NRXN1: variants seen among roughly 807,000 people sequenced by gnomAD.
NRXN1 encodes neurexin 1.
NRXN1 carries 39 observed loss-of-function variants against 150.9 expected under a neutral mutation model. The observed-to-expected ratio is 0.26, with a 90% CI of 0.20 to 0.34. The LOEUF is 0.34. NRXN1 is among the 10% of genes least tolerant of loss of function. NRXN1 has a pLI of 1.00. For synonymous variants in NRXN1, 924 were observed against 757.0 expected (o/e 1.22, Z -3.62); for missense variants, 1,815 against 1,949.9 (o/e 0.93, Z 1.30).
At chr2:50,745,784 TACTC>T (rs1699951678) in intron 5 of NRXN1, among the ~76,000 whole-genome samples, 1 of 152,124 alleles carries the variant, frequency 6.6e-6, no homozygotes, top group African/African-American at 2.4e-5. Flanking sequence ...CATGAGAACT[TACTC>T]ACCATCATGA....
chr2:50,504,522 G>T (rs996226610), intron 13 of NRXN1, among the ~76,000 whole-genome samples: 1 of 151,982 alleles, frequency 6.6e-6, no homozygotes, highest in Non-Finnish European at 1.5e-5. Context: ...ATTATTTTTG[G>T]AACTTTTTAT....
intron 12 of NRXN1, among the ~76,000 whole-genome samples, chr2:50,525,445 TC>T (rs1424465733): frequency 6.6e-6 from 1 of 152,214 alleles, no homozygotes; most frequent in Admixed American, 6.5e-5. Context: ...AATCTGATTG[TC>T]CTTCTATTCC....
At chr2:50,826,791 G>C (rs1362110613) in intron 5 of NRXN1, among the ~76,000 whole-genome samples, 1 of 152,336 alleles carries the variant, frequency 6.6e-6, no homozygotes. Context: ...AGACATCCCA[G>C]TGGAAAGGTC....
At chr2:50,630,116 C>T (rs1559046298) in intron 5 of NRXN1, among the ~76,000 whole-genome samples, 1 of 151,616 alleles carries the variant, frequency 6.6e-6, no homozygotes, top group Non-Finnish European at 1.5e-5. Flanking sequence ...CCATATCCGA[C>T]ACACTATAAC....
At chr2:50,737,276 G>A (rs1175497575) in intron 5 of NRXN1, among the ~76,000 whole-genome samples, 1 of 152,082 alleles carries the variant, frequency 6.6e-6, no homozygotes, top group African/African-American at 2.4e-5. Flanking sequence ...GTGTAGAAAG[G>A]CACATAATGG....
At chr2:50,799,528 C>A (rs984346014) in intron 5 of NRXN1, among the ~76,000 whole-genome samples, 1 of 152,086 alleles carries the variant, frequency 6.6e-6, no homozygotes, top group East Asian at 1.9e-4. Context: ...TAGGATTCTG[C>A]GACCTTATGA....
chr2:50,779,394 C>A (rs992238069), intron 5 of NRXN1, among the ~76,000 whole-genome samples: 1 of 152,142 alleles, frequency 6.6e-6, no homozygotes, highest in Non-Finnish European at 1.5e-5. Context: ...TATATATGTG[C>A]CACATTTTCT....
intron 18 of NRXN1, among the ~76,000 whole-genome samples, chr2:50,127,892 G>A (rs1704847861): frequency 6.6e-6 from 1 of 152,174 alleles, no homozygotes; most frequent in Admixed American, 6.6e-5. Flanking sequence ...GGCTTAGCCT[G>A]ATGGCAAAGG....
intron 8 of NRXN1, among the ~76,000 whole-genome samples, chr2:50,564,233 A>T (rs567668772): frequency 6.6e-6 from 1 of 152,340 alleles, no homozygotes; most frequent in Admixed American, 6.5e-5. Flanking sequence ...TAAGCACATA[A>T]GTACTTGATC....
intron 8 of NRXN1, among the ~76,000 whole-genome samples, chr2:50,598,498 A>G (rs1675623255): frequency 6.6e-6 from 1 of 151,318 alleles, no homozygotes; most frequent in Non-Finnish European, 1.5e-5. Flanking sequence ...AATGCCCCAA[A>G]GCCATTTATA....
At chr2:50,142,155 A>T (rs959096186) in intron 18 of NRXN1, among the ~76,000 whole-genome samples, 2 of 152,064 alleles carry the variant, frequency 1.3e-5, no homozygotes, top group Non-Finnish European at 2.9e-5. Flanking sequence ...CTTTTGCAGC[A>T]ACATGAATGA....
At chr2:50,093,146 G>T (rs187046680) in intron 18 of NRXN1, among the ~76,000 whole-genome samples, 1 of 152,118 alleles carries the variant, frequency 6.6e-6, no homozygotes, top group East Asian at 1.9e-4. Flanking sequence ...ATCTCCATAA[G>T]TCTTTGAATA....
At chr2:50,630,141 A>G (rs1682003279) in intron 5 of NRXN1, among the ~76,000 whole-genome samples, 1 of 151,642 alleles carries the variant, frequency 6.6e-6, no homozygotes, top group African/African-American at 2.4e-5. Flanking sequence ...AAGAAAATTC[A>G]CAGTTCTTGC....
At position 50,531,252 on chromosome 2, in the gene NRXN1, T is replaced by C. The variant is rs780308001; in HGVS notation, c.2322A>G (p.Gly774=). Residue 774 remains glycine, a synonymous_variant, in exon 11 of 23, where the codon GGA becomes GGG. Transcript: ENST00000401669. ...ADTLRLELDA[G]RVKLTVNLDC... ...CTAGATTGACCGTCAGTTTCACACG[T>C]CCTGCGTCTAGCTCCAGGCGGAGGG... The C allele has an allele frequency of 3.1e-6, 5 of 1,613,274 alleles. No individual in the cohort carries two copies. Among genetic ancestry groups the C allele is most frequent in the Non-Finnish European group, 4.2e-6 (5 of 1,179,630 alleles).
At chr2:50,611,854 T>A (rs1029364365) in intron 8 of NRXN1, among the ~76,000 whole-genome samples, 1 of 152,120 alleles carries the variant, frequency 6.6e-6, no homozygotes, top group Non-Finnish European at 1.5e-5. Flanking sequence ...AAGATTCCAC[T>A]GAAAGCTCAT....
intron 2 of NRXN1, among the ~76,000 whole-genome samples, chr2:50,997,431 C>T (rs1226311661): frequency 9.4e-6 from 1 of 106,106 alleles, no homozygotes; most frequent in Non-Finnish European, 1.8e-5. Flanking sequence ...TTTAAATATG[C>T]AGGTTTTTAA....
intron 15 of NRXN1, among the ~76,000 whole-genome samples, chr2:50,493,071 T>C (rs1007715264): frequency 2.6e-5 from 4 of 152,216 alleles, no homozygotes; most frequent in African/African-American, 4.8e-5. Context: ...GCACCAAAGA[T>C]GGCTGCAATG....
intron 8 of NRXN1, among the ~76,000 whole-genome samples, chr2:50,599,406 G>T (rs1023122406): frequency 6.6e-6 from 1 of 152,158 alleles, no homozygotes; most frequent in Non-Finnish European, 1.5e-5. Flanking sequence ...TTTACCTGTT[G>T]AAATCTGACT....
rs1051514144 is a variant in NRXN1, at chr2:50,281,605, T to A, written c.3365-44635A>T. ...GTTATTATTAATGATAAAGATGTGTTCCTGGTCCCTGCACTAAGGAAGGAA... is the reference window on the plus strand; with the variant it reads ...GTTATTATTAATGATAAAGATGTGTACCTGGTCCCTGCACTAAGGAAGGAA... On this transcript the variant is annotated intron_variant, in intron 17 of 22. Coordinates refer to ENST00000401669, the MANE Select transcript of NRXN1 (RefSeq NM_001330078.2). Among the ~76,000 whole-genome samples, 6 of 152,270 alleles carry A rather than the reference T, an allele frequency of 3.9e-5. No individual in the cohort carries two copies. In the South Asian group the frequency reaches 8.3e-4, roughly 21 times the overall value.
Sources: gnomAD v4.1 joint callset for allele counts (sites outside exome capture counted in the v4.1 genomes callset) on GRCh38, gnomAD v4.1.1 for gene constraint, MANE v1.5 for transcripts, NCBI Gene and HGNC (gene_info 2026-07-23, HGNC 2026-07-21) for gene names.